Variants in BANP observed in about 807,000 individuals in gnomAD.
BANP encodes BTG3 associated nuclear protein.
BANP carries 11 observed loss-of-function variants against 68.1 expected under a neutral mutation model. That is an observed-to-expected ratio of 0.16 (90% CI 0.10 to 0.27). BANP has a LOEUF of 0.27. Ranked by LOEUF, BANP falls within the 10% of genes least tolerant of loss-of-function variation. BANP has a pLI of 1.00. For synonymous variants in BANP, 329 were observed against 303.2 expected, an observed-to-expected ratio of 1.09 and a Z score of -0.88; for missense variants, 504 against 722.7, an observed-to-expected ratio of 0.70 and a Z score of 3.47.
At position 88,071,890 on chromosome 16, in the gene BANP, T is replaced by G; in HGVS notation, c.1378-179T>G. On this transcript the variant is annotated intron_variant, in intron 12 of 13. Transcript: ENST00000682872. The surrounding 1 kb of genome is among the most constrained non-coding windows in gnomAD (Gnocchi z 6.5). ...CTCTCTCACTGGATCTGATGCGACT[T>G]GAGAGCGATGGGGAGACAGGATGTG... 6.2e-6 allele frequency: 5 copies of G among 812,864 alleles called. No homozygotes were observed. The highest frequency in any genetic ancestry group is 8.2e-6 in the Non-Finnish European group (4 of 487,972). 50.4% of individuals were successfully genotyped at this position (812,864 alleles called of 1,614,324 possible). A position where few individuals can be genotyped will look rare whatever the true frequency, so the allele number is the denominator to read the frequency against.
At chr16:88,037,943 A>G (rs1005836265) in intron 10 of BANP, 30 bp from the exon 11 acceptor site, 2 of 1,611,176 alleles carry the variant, frequency 1.2e-6, no homozygotes, top group African/African-American at 2.7e-5. Flanking sequence ...GTTTCTACTC[A>G]TGACCGTCTC....
intron 12 of BANP, among the ~76,000 whole-genome samples, chr16:88,066,377 C>T (rs2152896996): frequency 6.6e-6 from 1 of 152,322 alleles, no homozygotes; most frequent in South Asian, 2.1e-4. Flanking sequence ...GGTGTCGTTT[C>T]TCTCTGTGGC....
intron 11 of BANP, among the ~76,000 whole-genome samples, chr16:88,056,459 CTCTT>C (rs1477605568): frequency 1.5e-4 from 13 of 86,146 alleles, no homozygotes; most frequent in African/African-American, 4.1e-4. Flanking sequence ...CGTATTCTCT[CTCTT>C]TTTTTTTTTT....
At chr16:88,053,842 A>G (rs1190545835) in intron 11 of BANP, among the ~76,000 whole-genome samples, 3 of 144,274 alleles carry the variant, frequency 2.1e-5, no homozygotes, top group Non-Finnish European at 3.1e-5. Context: ...CACCTTAACA[A>G]CCACTACCAC....
rs149029966 is a variant in BANP at position 88,072,137 on chromosome 16, G to A, written c.1446G>A (p.Ser482=). The A allele has an allele frequency of 1.9e-6, 3 of 1,610,434 alleles. No homozygotes were observed. Among genetic ancestry groups the A allele is most frequent in the East Asian group, 4.5e-5 (2 of 44,754 alleles). The change falls in exon 13 of 14, where the codon TCG becomes TCA. Residue 482 remains serine (S), a synonymous_variant. Transcript: ENST00000682872. ...CCGCGGCGGCGGGCGTGGATGGGTC[G>A]CCACTCCAGGGCAGCGACATCCAGG... The part of the protein sequence containing the change: ...SDPAAAGVDG[S]PLQGSDIQVQ...
Position 88,036,335 on chromosome 16 carries a change from A to G in BANP, c.1272+941A>G, listed in dbSNP as rs537105406. 1.6e-4 allele frequency among the ~76,000 whole-genome samples: 25 copies of G among 152,292 alleles called. No individual in the cohort carries two copies. In the South Asian group the frequency reaches 5.0e-3, roughly 30 times the overall value. On this transcript the variant is annotated intron_variant, in intron 10 of 13. Transcript: ENST00000682872. This position sits in a 1 kb window ranked among gnomAD's most constrained non-coding sequence, Gnocchi z 4.2. ...CTAGGAAGCCCGGGTGCTGAGGTCAAGGGGACTCATGGAGATGTTGGCGTG... is the reference window on the plus strand; with the variant it reads ...CTAGGAAGCCCGGGTGCTGAGGTCAGGGGGACTCATGGAGATGTTGGCGTG...
chr16:87,991,304 C>T (rs1053401233), intron 4 of BANP, among the ~76,000 whole-genome samples: 49 of 152,128 alleles, frequency 3.2e-4, no homozygotes, highest in South Asian at 8.3e-4. Context: ...CATACAACTT[C>T]GGGAATTATT....
In BANP at chr16:88,072,771, G is replaced by A. The variant is rs904478858; in HGVS notation, c.1521+559G>A. On this transcript the variant is annotated intron_variant, in intron 13 of 13. Coordinates refer to ENST00000682872, the MANE Select transcript of BANP (RefSeq NM_001386991.1). ...TGGCCGAGGCCCAGACAAGAGCCCCGTGATGCCGTGGGCTGTTTGCTCTGA... is the reference window on the plus strand; with the variant it reads ...TGGCCGAGGCCCAGACAAGAGCCCCATGATGCCGTGGGCTGTTTGCTCTGA... Among the ~76,000 whole-genome samples, 3 of 152,368 alleles carry A rather than the reference G, an allele frequency of 2.0e-5. 1 individual carries two copies. Among genetic ancestry groups the A allele is most frequent in the South Asian group, 4.1e-4 (2 of 4,824 alleles).
chr16:88,035,688 C>A (rs1226865502), intron 10 of BANP, among the ~76,000 whole-genome samples: 2 of 152,244 alleles, frequency 1.3e-5, no homozygotes, highest in Admixed American at 1.3e-4. Flanking sequence ...CCTTCTCTCC[C>A]TGTCTGGCCC....
At chr16:88,048,800 G>A (rs765268148) in intron 11 of BANP, among the ~76,000 whole-genome samples, 94 of 152,098 alleles carry the variant, frequency 6.2e-4, no homozygotes, top group Non-Finnish European at 1.0e-3. Flanking sequence ...TGGAATAGGA[G>A]CTCACCACAG....
At chr16:87,996,660 G>A (rs887981362) in intron 4 of BANP, among the ~76,000 whole-genome samples, 5 of 151,764 alleles carry the variant, frequency 3.3e-5, no homozygotes, top group African/African-American at 1.2e-4. Flanking sequence ...CTGGGCTCTG[G>A]TTCTGAGTGT....
At chr16:88,054,571 C>T (rs1044427872) in intron 11 of BANP, among the ~76,000 whole-genome samples, 2 of 152,016 alleles carry the variant, frequency 1.3e-5, no homozygotes, top group South Asian at 2.1e-4. Context: ...ACTCCCAGTG[C>T]TATCACAGCC....
At position 88,076,643 on chromosome 16, in the gene BANP, G is replaced by C; in HGVS notation, c.1575G>C (p.Gly525=). 6.2e-7 allele frequency: 1 copy of C among 1,609,928 alleles called. No individual in the cohort carries two copies. Among genetic ancestry groups the C allele is most frequent in the South Asian group, 1.1e-5 (1 of 91,054 alleles). ...AGCCGGAGATGCAGCTCGAGCACGG[G>C]GCCATCCAGATTCAGTGAGCGGTGC... The part of the protein sequence containing the change: ...TLQPEMQLEH[G]AIQIQ Residue 525 remains glycine (G), a synonymous_variant, in exon 14 of 14, where the codon GGG becomes GGC. Transcript: ENST00000682872.
rs577544145 is a variant in BANP, at chr16:88,057,686, T to C, written c.1312-7581T>C. Among the ~76,000 whole-genome samples, 1 of 143,814 alleles carries C rather than the reference T, an allele frequency of 7.0e-6. No homozygotes were observed. Among genetic ancestry groups the C allele is most frequent in the Non-Finnish European group, 1.5e-5 (1 of 66,890 alleles). The allele number at this position is 143,814 out of a possible 152,430, so 94.3% of individuals were successfully genotyped here. On this transcript the variant is annotated intron_variant, in intron 11 of 13. Transcript: ENST00000682872. This position sits in a 1 kb window ranked among gnomAD's most constrained non-coding sequence, Gnocchi z 4.6. ...TGGTTCTTACATCCCAGAAGGGAAG[T>C]TGCGGCACTGTGCGAGACAGTCTGA...
intron 7 of BANP, among the ~76,000 whole-genome samples, chr16:88,022,850 C>CA (rs2069255228): frequency 6.6e-6 from 1 of 152,200 alleles, no homozygotes; most frequent in African/African-American, 2.4e-5. Flanking sequence ...CTTATGAGGA[C>CA]AGTCACTGGA....
chr16:88,003,638 C>T lies in BANP; in HGVS notation c.363-657C>T, dbSNP rs535706654. On this transcript the variant is annotated intron_variant, in intron 4 of 13. Transcript: ENST00000682872. The surrounding 1 kb of genome is among the most constrained non-coding windows in gnomAD (Gnocchi z 6.1). ...CACACTCGTGCTTCCTCCAGGGTGG[C>T]GCCAGGCTTGCTGGTTTCTGGGCCA... 21 of 417,062 alleles carry T rather than the reference C, an allele frequency of 5.0e-5. No homozygotes were observed. In the East Asian group the frequency reaches 1.4e-3, roughly 27 times the overall value. 25.8% of individuals were successfully genotyped at this position (417,062 alleles called of 1,614,324 possible).
intron 1 of BANP, among the ~76,000 whole-genome samples, chr16:87,956,077 G>A (rs1377922137): frequency 2.0e-5 from 3 of 152,076 alleles, no homozygotes; most frequent in Non-Finnish European, 2.9e-5. Context: ...GGGCCTCAGT[G>A]GTCTTGCAGC....
chr16:87,951,131 G>A (rs906944933), upstream of BANP, among the ~76,000 whole-genome samples: 6 of 152,224 alleles, frequency 3.9e-5, no homozygotes, highest in Non-Finnish European at 7.3e-5. Context: ...AGTAGTTGAG[G>A]GAGCTAATGC....
chr16:87,965,244 C>T (rs2059819418), intron 1 of BANP, among the ~76,000 whole-genome samples: 1 of 152,034 alleles, frequency 6.6e-6, no homozygotes, highest in Non-Finnish European at 1.5e-5. Context: ...AGAATGGGGG[C>T]AGCATCTGGG....
Sources: gnomAD v4.1 joint callset for allele counts (sites outside exome capture counted in the v4.1 genomes callset) on GRCh38, gnomAD v4.1.1 for gene constraint, Gnocchi (gnomAD v3.1) non-coding constraint, MANE v1.5 for transcripts, NCBI Gene and HGNC (gene_info 2026-07-23, HGNC 2026-07-21) for gene names.